Variants in CSMD1 observed in about 807,000 individuals in gnomAD.
CSMD1 encodes CUB and Sushi multiple domains 1, also known as CUB and sushi domain-containing protein 1.
A neutral mutation model predicts 417.5 loss-of-function variants in CSMD1; 213 were observed. That is an observed-to-expected ratio of 0.51 (90% confidence interval 0.46 to 0.57). The LOEUF (loss-of-function observed/expected upper bound fraction) is 0.57. Among genes scored for constraint, CSMD1 ranks in the 20% least tolerant of loss-of-function variants. CSMD1 has a pLI of 0.00. For missense variants in CSMD1, 6,923 were observed against 4,529.7 expected (o/e 1.53, Z -15.17); for synonymous variants, 2,862 against 1,736.8 (o/e 1.65, Z -16.11).
intron 5 of CSMD1, among the ~76,000 whole-genome samples, chr8:3,966,674 G>A (rs1812693954): frequency 6.6e-6 from 1 of 151,998 alleles, no homozygotes; most frequent in South Asian, 2.1e-4. Flanking sequence ...TGTGTTTCAT[G>A]CTATCTGCCA....
At chr8:4,761,926 T>C (rs531186671) in intron 1 of CSMD1, among the ~76,000 whole-genome samples, 20 of 145,898 alleles carry the variant, frequency 1.4e-4, no homozygotes, top group South Asian at 8.6e-4. Flanking sequence ...TATCTATCTA[T>C]CTATCTATCT....
chr8:3,882,994 G>A (rs1371850685), intron 5 of CSMD1, among the ~76,000 whole-genome samples: 2 of 152,088 alleles, frequency 1.3e-5, no homozygotes, highest in African/African-American at 2.4e-5. Context: ...GCTGATATGT[G>A]CACACTTCTG....
intron 7 of CSMD1, among the ~76,000 whole-genome samples, chr8:3,684,443 C>G (rs982633465): frequency 6.7e-6 from 1 of 150,080 alleles, no homozygotes; most frequent in East Asian, 1.9e-4. Context: ...ACTCATAGTA[C>G]TTAACAATTT....
At chr8:3,561,907 G>A (rs540887969) in intron 10 of CSMD1, among the ~76,000 whole-genome samples, 2 of 152,204 alleles carry the variant, frequency 1.3e-5, no homozygotes, top group African/African-American at 4.8e-5. Context: ...ATGCCCAGAG[G>A]CTTCTGCATA....
intron 3 of CSMD1, among the ~76,000 whole-genome samples, chr8:4,371,432 T>C (rs935181301): frequency 1.3e-5 from 2 of 152,204 alleles, no homozygotes; most frequent in African/African-American, 4.8e-5. Context: ...ATTAGGTTTT[T>C]AAGGAGGAAA....
At chr8:4,246,363 A>G (rs539046014) in intron 3 of CSMD1, among the ~76,000 whole-genome samples, 1 of 152,122 alleles carries the variant, frequency 6.6e-6, no homozygotes, top group Non-Finnish European at 1.5e-5. Flanking sequence ...AGTCCTTAGA[A>G]GAGTAGTTCT....
chr8:4,505,160 C>A (rs1802454860), intron 2 of CSMD1, among the ~76,000 whole-genome samples: 1 of 152,168 alleles, frequency 6.6e-6, no homozygotes, highest in South Asian at 2.1e-4. Context: ...ATGATAAAAA[C>A]CTGGTGGCTT....
At chr8:4,476,215 T>C (rs1012145297) in intron 2 of CSMD1, among the ~76,000 whole-genome samples, 1 of 152,080 alleles carries the variant, frequency 6.6e-6, no homozygotes, top group Admixed American at 6.5e-5. Context: ...TAACAGAAAA[T>C]AAAACTTTTT....
intron 12 of CSMD1, among the ~76,000 whole-genome samples, chr8:3,450,377 T>C (rs1457494267): frequency 6.6e-6 from 1 of 152,058 alleles, no homozygotes; most frequent in Non-Finnish European, 1.5e-5. Context: ...TTGTTACATA[T>C]GTATACATGT....
chr8:4,907,028 C>A (rs1805328022), intron 1 of CSMD1, among the ~76,000 whole-genome samples: 1 of 152,158 alleles, frequency 6.6e-6, no homozygotes, highest in Non-Finnish European at 1.5e-5. Flanking sequence ...AAAGTGCCAT[C>A]ATAATGTTTG....
chr8:3,599,034 T>A (rs1295964998), intron 8 of CSMD1, among the ~76,000 whole-genome samples: 6 of 152,032 alleles, frequency 3.9e-5, no homozygotes, highest in Admixed American at 3.9e-4. Context: ...TGAGCAGAGC[T>A]TGCAACAATG....
chr8:4,390,232 C>T (rs893033414), intron 3 of CSMD1, among the ~76,000 whole-genome samples: 9 of 152,060 alleles, frequency 5.9e-5, no homozygotes, highest in African/African-American at 2.2e-4. Flanking sequence ...CTCTTTTGTG[C>T]CTTCTTCTTG....
chr8:4,672,651 G>C (rs1039590389), intron 1 of CSMD1, among the ~76,000 whole-genome samples: 2 of 151,640 alleles, frequency 1.3e-5, no homozygotes, highest in Non-Finnish European at 2.9e-5. Flanking sequence ...AATAATGCCA[G>C]GTGCTTGAAA....
At chr8:3,902,487 G>C (rs1397787770) in intron 5 of CSMD1, among the ~76,000 whole-genome samples, 1 of 152,100 alleles carries the variant, frequency 6.6e-6, no homozygotes, top group Non-Finnish European at 1.5e-5. Flanking sequence ...GCAGGGGATA[G>C]TTTGGGATGA....
At chr8:3,272,359 T>C (rs887346578) in intron 26 of CSMD1, among the ~76,000 whole-genome samples, 2 of 148,292 alleles carry the variant, frequency 1.3e-5, no homozygotes, top group African/African-American at 2.5e-5. Context: ...TGAAGTCAGG[T>C]AGTCTGATGC....
intron 7 of CSMD1, among the ~76,000 whole-genome samples, chr8:3,617,453 T>A (rs777604948): frequency 6.6e-6 from 1 of 152,224 alleles, no homozygotes; most frequent in Non-Finnish European, 1.5e-5. Context: ...ATTTGTCTAA[T>A]CAAACTAACA....
chr8:4,725,116 G>A (rs1271855663), intron 1 of CSMD1, among the ~76,000 whole-genome samples: 2 of 151,766 alleles, frequency 1.3e-5, no homozygotes, highest in Non-Finnish European at 2.9e-5. Context: ...TATCCTGAAA[G>A]GTATATATGT....
intron 5 of CSMD1, among the ~76,000 whole-genome samples, chr8:3,827,539 T>G (rs1000757029): frequency 2.0e-5 from 3 of 152,230 alleles, no homozygotes; most frequent in Non-Finnish European, 2.9e-5. Context: ...CACTGTCATA[T>G]TCCTGAAATG....
intron 12 of CSMD1, among the ~76,000 whole-genome samples, chr8:3,463,037 G>A (rs959473415): frequency 1.3e-5 from 2 of 152,178 alleles, no homozygotes; most frequent in African/African-American, 2.4e-5. Context: ...ACCAGGAAAC[G>A]GTCCTCACCA....
Sources: gnomAD v4.1 joint callset for allele counts (sites outside exome capture counted in the v4.1 genomes callset) on GRCh38, gnomAD v4.1.1 for gene constraint, MANE v1.5 for transcripts, NCBI Gene and HGNC (gene_info 2026-07-23, HGNC 2026-07-21) for gene names.